The following TTC7A variants were observed in gnomAD, a reference collection of about 807,000 sequenced individuals.
TTC7A encodes the protein tetratricopeptide repeat protein 7A.
A neutral mutation model predicts 103.7 loss-of-function variants in TTC7A; 110 were observed. The ratio of observed to expected loss-of-function variants is 1.06; its 90% CI spans 0.91 to 1.24. The LOEUF is 1.24. Among genes scored for constraint, TTC7A ranks in the 50% most tolerant of loss-of-function variants. The pLI is 0.00. For synonymous variants in TTC7A, 521 were observed against 467.9 expected (o/e 1.11, Z -1.47); for missense variants, 1,340 against 1,116.3 (o/e 1.20, Z -2.86).
At chr2:47,009,030 C>A (rs1677736001) in intron 10 of TTC7A, among the ~76,000 whole-genome samples, 1 of 152,022 alleles carries the variant, frequency 6.6e-6, no homozygotes, top group Non-Finnish European at 1.5e-5. Flanking sequence ...GTTAGAGAAC[C>A]CTGTGTGGCA....
chr2:46,958,549 G>A lies in TTC7A; in HGVS notation c.517+1542G>A, dbSNP rs972003754. Reference sequence around the variant, plus strand: ...TCCCGGTGGTCAGAGGTCCTGCAGGGGAGGTAAGGAGACGGGCGCTGCCGG... The same window carrying A: ...TCCCGGTGGTCAGAGGTCCTGCAGGAGAGGTAAGGAGACGGGCGCTGCCGG... On this transcript the variant is annotated intron_variant, in intron 3 of 19. Coordinates refer to ENST00000319190, the MANE Select transcript of TTC7A (RefSeq NM_020458.4). 3.1e-6 allele frequency: 4 copies of A among 1,303,066 alleles called. No homozygotes were observed. In the African/African-American group the frequency reaches 4.6e-5, roughly 15 times the overall value. 80.7% of individuals were successfully genotyped at this position (1,303,066 alleles called of 1,614,324 possible).
intron 11 of TTC7A, among the ~76,000 whole-genome samples, chr2:47,021,191 G>C (rs1434146856): frequency 6.6e-6 from 1 of 152,196 alleles, no homozygotes; most frequent in African/African-American, 2.4e-5. Context: ...GCCTTTCTTG[G>C]AGGCATGTGT....
chr2:46,956,675 G>A (rs962783023), intron 2 of TTC7A, 164 bp from the exon 3 acceptor site: 1 of 685,614 alleles, frequency 1.5e-6, no homozygotes. Context: ...CCATGGGTGA[G>A]AGCGGGGAGC....
rs189155207 is a variant in TTC7A at position 47,071,620 on chromosome 2, A to G, written c.2356-2082A>G. Among the ~76,000 whole-genome samples the G allele has an allele frequency of 3.9e-5, 6 of 152,316 alleles. No individual in the cohort carries two copies. The East Asian group carries it at 1.2e-3, about 29-fold the overall frequency. Reference sequence around the variant, plus strand: ...TTGGCCATTTGCCCGTGGTCACAGCACTTGTCAGTGGCAGAGCTGGGATTC... The same window carrying G: ...TTGGCCATTTGCCCGTGGTCACAGCGCTTGTCAGTGGCAGAGCTGGGATTC... On this transcript the variant is annotated intron_variant, in intron 19 of 19. Coordinates refer to ENST00000319190, the MANE Select transcript of TTC7A (RefSeq NM_020458.4).
rs114605652 is a variant in TTC7A at position 46,980,117 on chromosome 2, C to G, written c.764+1210C>G. Reference sequence around the variant, plus strand: ...TTTGTTACATTTCACTTTATGCATTCTTTTCATTACATGCTTTTGAATACA... The same window carrying G: ...TTTGTTACATTTCACTTTATGCATTGTTTTCATTACATGCTTTTGAATACA... On this transcript the variant is annotated intron_variant, in intron 5 of 19. Coordinates refer to ENST00000319190, the MANE Select transcript of TTC7A (RefSeq NM_020458.4). Among the ~76,000 whole-genome samples, 645 of 151,332 alleles carry G rather than the reference C, an allele frequency of 4.3e-3. 3 individuals are homozygous for G. Among genetic ancestry groups the G allele is most frequent in the African/African-American group, 0.015 (619 of 41,198 alleles).
At chr2:46,994,188 G>A in intron 6 of TTC7A, 169 bp from the exon 7 acceptor site, 1 of 711,546 alleles carries the variant, frequency 1.4e-6, no homozygotes, top group East Asian at 2.7e-5. Context: ...AGTGTTGGAG[G>A]GACTGAAGGA....
intron 12 of TTC7A, among the ~76,000 whole-genome samples, chr2:47,022,278 T>C (rs1572936905): frequency 6.6e-6 from 1 of 152,144 alleles, no homozygotes; most frequent in East Asian, 1.9e-4. Flanking sequence ...ATGCTGATCT[T>C]CTCTGTGGAA....
rs1456239778 is a variant in TTC7A, at chr2:47,049,189, C to CT, written c.1920-759dup. Among the ~76,000 whole-genome samples the CT allele has an allele frequency of 9.2e-5, 14 of 152,296 alleles. No individual in the cohort carries two copies. In the East Asian group the frequency reaches 2.7e-3, roughly 29 times the overall value. The stretch of plus-strand genomic sequence containing the variant: ...CTCCTGTGCCTTCTGCTTCTATTCT[C>CT]TAAGTTTCCCCAGTCAACAGGGTCA... On this transcript the variant is annotated intron_variant, in intron 16 of 19. Transcript: ENST00000319190.
chr2:46,967,919 C>T (rs984418976), intron 3 of TTC7A, among the ~76,000 whole-genome samples: 1 of 151,846 alleles, frequency 6.6e-6, no homozygotes, highest in Non-Finnish European at 1.5e-5. Context: ...CGCTTCTTCC[C>T]GTGGCTGCAG....
In TTC7A at chr2:46,932,693, G is replaced by A. The variant is rs904855523; in HGVS notation, c.82+15416G>A. Among the ~76,000 whole-genome samples, 5 of 152,028 alleles carry A rather than the reference G, an allele frequency of 3.3e-5. No homozygotes were observed. In the East Asian group the frequency reaches 5.8e-4, roughly 18 times the overall value. Reference sequence around the variant, plus strand: ...AGATGGGTGGATCACCTGAGTTTAGGAGTTCGAGACCAGTTTGGCCAACAA... The same window carrying A: ...AGATGGGTGGATCACCTGAGTTTAGAAGTTCGAGACCAGTTTGGCCAACAA... On this transcript the variant is annotated intron_variant, in intron 2 of 20. Transcript: ENST00000409245.
chr2:47,005,160 G>A (rs1677243285), intron 8 of TTC7A, among the ~76,000 whole-genome samples: 1 of 152,214 alleles, frequency 6.6e-6, no homozygotes, highest in South Asian at 2.1e-4. Context: ...CTCTCCCTGG[G>A]GAGGGACGGA....
At chr2:46,986,563 T>C (rs1390779123) in intron 5 of TTC7A, among the ~76,000 whole-genome samples, 3 of 152,060 alleles carry the variant, frequency 2.0e-5, no homozygotes, top group Non-Finnish European at 2.9e-5. Context: ...GGGTGGACCC[T>C]GAAGGTGTCT....
chr2:46,958,512 G>A (rs1280177973), intron 3 of TTC7A: 1 of 1,304,264 alleles, frequency 7.7e-7, no homozygotes. Flanking sequence ...CCGGCTTCTT[G>A]GGGGAACACA....
upstream of TTC7A, among the ~76,000 whole-genome samples, chr2:46,940,079 G>A (rs529476351): frequency 6.6e-6 from 1 of 152,110 alleles, no homozygotes; most frequent in Non-Finnish European, 1.5e-5. The surrounding 1 kb of genome is among the most constrained non-coding windows in gnomAD (Gnocchi z 4.7). Flanking sequence ...CAGGAAGACT[G>A]TCTTCAACTA....
chr2:46,955,806 C>T (rs963246925), intron 2 of TTC7A, among the ~76,000 whole-genome samples: 3 of 152,194 alleles, frequency 2.0e-5, no homozygotes, highest in Admixed American at 1.3e-4. Context: ...CACCTTCCTG[C>T]CAGTGACAAA....
At chr2:47,066,961 C>T (rs1001854876) in intron 19 of TTC7A, among the ~76,000 whole-genome samples, 4 of 152,136 alleles carry the variant, frequency 2.6e-5, no homozygotes, top group Non-Finnish European at 4.4e-5. Flanking sequence ...GCACATCTGG[C>T]GAGGGCCTTC....
intron 15 of TTC7A, among the ~76,000 whole-genome samples, chr2:47,036,010 G>C (rs954058707): frequency 6.6e-6 from 1 of 152,206 alleles, no homozygotes; most frequent in Non-Finnish European, 1.5e-5. Flanking sequence ...CTTCTTTTGG[G>C]AAGTTCTTCC....
intron 15 of TTC7A, among the ~76,000 whole-genome samples, chr2:47,043,511 C>T (rs1681990603): frequency 6.6e-6 from 1 of 152,066 alleles, no homozygotes; most frequent in Admixed American, 6.5e-5. Context: ...TGTACCAGCG[C>T]CCAAGGTCAT....
intron 5 of TTC7A, among the ~76,000 whole-genome samples, chr2:46,987,809 C>CGCGCGTGTGTGTGTGT (rs1466713336): frequency 6.9e-6 from 1 of 144,550 alleles, no homozygotes; most frequent in East Asian, 2.0e-4. Flanking sequence ...CCTTTCCGCG[C>CGCGCGTGTGTGTGTGT]GTGTGTGTGT....
Sources: allele counts gnomAD v4.1 joint callset (sites outside exome capture counted in the v4.1 genomes callset), GRCh38; gene constraint gnomAD v4.1.1; non-coding constraint Gnocchi (gnomAD v3.1); transcripts MANE v1.5; gene names NCBI Gene and HGNC (gene_info 2026-07-23, HGNC 2026-07-21).